TPP2: variants seen among roughly 807,000 people sequenced by gnomAD.
TPP2 encodes tripeptidyl peptidase 2.
Under a neutral mutation model 155.9 loss-of-function variants are expected in TPP2, and 34 were observed. The ratio of observed to expected loss-of-function variants is 0.22; its 90% CI spans 0.17 to 0.29. The LOEUF (loss-of-function observed/expected upper bound fraction) is 0.29. Ranked by LOEUF, TPP2 falls within the 10% of genes least tolerant of loss-of-function variation. TPP2 has a pLI of 1.00. For missense variants in TPP2, 1,028 were observed against 1,522.3 expected (o/e 0.68, Z 5.40); for synonymous variants, 510 against 529.4 (o/e 0.96, Z 0.50).
At chr13:102,653,096 G>A (rs912139676) in intron 24 of TPP2, among the ~76,000 whole-genome samples, 2 of 152,156 alleles carry the variant, frequency 1.3e-5, no homozygotes, top group African/African-American at 4.8e-5. Context: ...GCATTTACTT[G>A]GTGATTAGTA....
intron 1 of TPP2, among the ~76,000 whole-genome samples, chr13:102,599,689 C>A (rs565461906): frequency 6.6e-6 from 1 of 152,132 alleles, no homozygotes; most frequent in Non-Finnish European, 1.5e-5. Flanking sequence ...GTAGTAGTTA[C>A]GTAAGTGATT....
chr13:102,612,646 T>C lies in TPP2; in HGVS notation c.295-1455T>C, dbSNP rs1001446895. On this transcript the variant is annotated intron_variant, in intron 2 of 29. Coordinates refer to ENST00000376052, the MANE Select transcript of TPP2 (RefSeq NM_001330588.2). ...GCCCAGATTATAACTTTTATCTGAT[T>C]TTTTTGGTGTAATTTTTGTAACTAG... is the stretch of plus-strand genomic sequence containing the variant. Among the ~76,000 whole-genome samples, 8 of 152,308 alleles carry C rather than the reference T, an allele frequency of 5.3e-5. No individual in the cohort carries two copies. The East Asian group carries it at 1.3e-3, about 26-fold the overall frequency.
In TPP2 at chr13:102,664,774, T is replaced by C. The variant is rs371284095; in HGVS notation, c.3241-21T>C. 6.2e-5 allele frequency: 100 copies of C among 1,607,486 alleles called. 1 individual carries two copies. In the African/African-American group the frequency reaches 1.2e-3, roughly 20 times the overall value. On this transcript the variant is annotated intron_variant, in intron 26 of 29. Coordinates refer to ENST00000376052, the MANE Select transcript of TPP2 (RefSeq NM_001330588.2). ...ACTGATTGATATACCTATTTTTTAT[T>C]ATTTCTTTTTTCCTCTCCAGGAACG...
intron 27 of TPP2, among the ~76,000 whole-genome samples, chr13:102,665,938 G>C (rs1055631497): frequency 6.6e-6 from 1 of 152,094 alleles, no homozygotes; most frequent in Non-Finnish European, 1.5e-5. Context: ...AAGTGGGATA[G>C]AATATATTTA....
In TPP2 at chr13:102,633,975, A is replaced by G. The variant is rs146267750; in HGVS notation, c.1270A>G (p.Ile424Val). 6.1e-5 allele frequency: 98 copies of G among 1,613,984 alleles called. No individual in the cohort carries two copies. The highest frequency in any genetic ancestry group is 4.9e-4 in the Middle Eastern group (3 of 6,082). ...PSADGALGVS[I>V]SAPGGAIASV... Reference sequence around the variant, plus strand: ...TGCTGACGGGGCCCTTGGTGTGAGTATCAGTGCGCCAGGAGGAGCCATTGC... The same window carrying G: ...TGCTGACGGGGCCCTTGGTGTGAGTGTCAGTGCGCCAGGAGGAGCCATTGC... The change falls in exon 11 of 30, where the codon ATC (isoleucine) becomes GTC (valine). Residue 424 changes from isoleucine to valine, a missense_variant. Physicochemically the swap from Ile to Val is conservative, Grantham distance 29 (BLOSUM62 3). Coordinates refer to ENST00000376052, the MANE Select transcript of TPP2 (RefSeq NM_001330588.2).
Position 102,631,734 on chromosome 13 carries a change from T to A in TPP2, c.1244+1539T>A, listed in dbSNP as rs1882033161. The stretch of plus-strand genomic sequence containing the variant: ...CAAAGCAGATGTTCTAAGAATTGAA[T>A]TTGTTTCATTTTTCATAAACATGAA... On this transcript the variant is annotated intron_variant, in intron 10 of 29. Coordinates refer to ENST00000376052, the MANE Select transcript of TPP2 (RefSeq NM_001330588.2). Among the ~76,000 whole-genome samples the A allele has an allele frequency of 2.0e-5, 3 of 152,380 alleles. No homozygotes were observed. In the South Asian group the frequency reaches 6.2e-4, roughly 32 times the overall value.
intron 25 of TPP2, among the ~76,000 whole-genome samples, chr13:102,661,629 G>C (rs1949772252): frequency 6.6e-6 from 1 of 152,064 alleles, no homozygotes; most frequent in South Asian, 2.1e-4. Context: ...AATCTGAATA[G>C]ATATTTCTAT....
intron 27 of TPP2, among the ~76,000 whole-genome samples, chr13:102,672,023 C>T (rs902475352): frequency 1.1e-4 from 16 of 152,282 alleles, no homozygotes; most frequent in South Asian, 4.1e-4. Flanking sequence ...TTACTGACTG[C>T]GCAGTCTCTT....
chr13:102,646,158 A>G (rs1447997931), intron 19 of TPP2, 136 bp from the exon 20 acceptor site: 4 of 557,098 alleles, frequency 7.2e-6, no homozygotes, highest in Non-Finnish European at 1.3e-5. Context: ...ATTGTAGAGT[A>G]TACTGAAAAG....
chr13:102,667,881 C>G (rs557770605), intron 27 of TPP2: 1 of 952,622 alleles, frequency 1.0e-6, no homozygotes, highest in East Asian at 1.2e-4. Context: ...TGCTCAGACA[C>G]AGGTATCCAG....
At chr13:102,604,008 G>A (rs1224644435) in intron 1 of TPP2, among the ~76,000 whole-genome samples, 1 of 152,172 alleles carries the variant, frequency 6.6e-6, no homozygotes, top group Non-Finnish European at 1.5e-5. Context: ...TTCGCTGTGA[G>A]GAGTCAACTG....
chr13:102,623,936 T>A (rs1432634032), intron 6 of TPP2, among the ~76,000 whole-genome samples: 1 of 152,214 alleles, frequency 6.6e-6, no homozygotes, highest in East Asian at 1.9e-4. Flanking sequence ...AGTATGTAAG[T>A]GCTATATAAA....
At chr13:102,599,840 C>A (rs1442013290) in intron 1 of TPP2, among the ~76,000 whole-genome samples, 1 of 152,074 alleles carries the variant, frequency 6.6e-6, no homozygotes, top group Non-Finnish European at 1.5e-5. Flanking sequence ...CAGCATTGGC[C>A]AGTAAGAGCT....
Position 102,644,899 on chromosome 13 carries a change from T to C in TPP2, c.2293-10T>C. ...AAGTTTGAGAAAGTAATTTGAGAAATCCTTTGTAGCATGCATCGGAAGGAA... is the reference window on the plus strand; with the variant it reads ...AAGTTTGAGAAAGTAATTTGAGAAACCCTTTGTAGCATGCATCGGAAGGAA... On this transcript the variant is annotated splice_polypyrimidine_tract_variant and intron_variant, in intron 18 of 29. Coordinates refer to ENST00000376052, the MANE Select transcript of TPP2 (RefSeq NM_001330588.2). 1 of 1,610,020 alleles carries C rather than the reference T, an allele frequency of 6.2e-7. No homozygotes were observed. The highest frequency in any genetic ancestry group is 1.3e-5 in the African/African-American group (1 of 74,822).
intron 10 of TPP2, 101 bp from the exon 11 acceptor site, chr13:102,633,849 A>G (rs1046703156): frequency 2.0e-6 from 3 of 1,511,930 alleles, no homozygotes; most frequent in Non-Finnish European, 2.7e-6. Context: ...CAGTTAGTAC[A>G]TAGTGTTATA....
rs1464488340 is a variant in TPP2 at position 102,614,184 on chromosome 13, G to A, written c.378G>A (p.Lys126=). ...ATGACTTCTATCCTAAGGCACTCAA[G>A]GAAAGGATACAGGTAATGTACAATC... is the stretch of plus-strand genomic sequence containing the variant. The part of the protein sequence containing the change: ...NGYDFYPKAL[K]ERIQKERKEK... The change falls in exon 3 of 30, where the codon AAG becomes AAA. Residue 126 remains lysine, a synonymous_variant. Coordinates refer to ENST00000376052, the MANE Select transcript of TPP2 (RefSeq NM_001330588.2). 1.2e-6 allele frequency: 2 copies of A among 1,612,002 alleles called. No homozygotes were observed. The highest frequency in any genetic ancestry group is 8.5e-7 in the Non-Finnish European group (1 of 1,178,936).
intron 25 of TPP2, among the ~76,000 whole-genome samples, chr13:102,660,288 G>A (rs1412826047): frequency 6.6e-6 from 1 of 151,644 alleles, no homozygotes; most frequent in Non-Finnish European, 1.5e-5. Flanking sequence ...AGGAGGAACA[G>A]TGGAACAAAA....
At chr13:102,643,753 A>G (rs545093863) in intron 17 of TPP2, among the ~76,000 whole-genome samples, 39 of 152,212 alleles carry the variant, frequency 2.6e-4, no homozygotes, top group Admixed American at 5.2e-4. Flanking sequence ...TATGAGGCTA[A>G]TTTGCATTAT....
intron 21 of TPP2, 105 bp from the exon 22 acceptor site, chr13:102,648,802 T>C: frequency 2.8e-6 from 4 of 1,416,540 alleles, no homozygotes; most frequent in Non-Finnish European, 2.8e-6. Flanking sequence ...ACCTCACATA[T>C]TATGAACAAG....
Sources: allele counts gnomAD v4.1 joint callset (sites outside exome capture counted in the v4.1 genomes callset), GRCh38; gene constraint gnomAD v4.1.1; transcripts MANE v1.5; gene names NCBI Gene and HGNC (gene_info 2026-07-23, HGNC 2026-07-21).